The following ULK4 variants were observed in gnomAD, a reference collection of about 807,000 sequenced individuals.
The protein encoded by ULK4 is unc-51 like kinase 4, also known as inactive serine/threonine-protein kinase ULK4.
Under a neutral mutation model 160.6 loss-of-function variants are expected in ULK4, and 133 were observed. The observed-to-expected ratio is 0.83, with a 90% CI of 0.72 to 0.96. The LOEUF is 0.96. ULK4 is among the 40% of genes least tolerant of loss of function. ULK4 has a pLI of 0.00. For missense variants in ULK4, 1,580 were observed against 1,499.5 expected (o/e 1.05, Z -0.89); for synonymous variants, 534 against 539.8 (o/e 0.99, Z 0.15).
At chr3:41,642,640 C>A (rs2034271533) in intron 30 of ULK4, among the ~76,000 whole-genome samples, 1 of 152,180 alleles carries the variant, frequency 6.6e-6, no homozygotes. Flanking sequence ...AACAGTGCCG[C>A]AATAAACATA....
chr3:41,851,326 T>G, intron 17 of ULK4, among the ~76,000 whole-genome samples: 1 of 152,178 alleles, frequency 6.6e-6, no homozygotes. Flanking sequence ...CTGCATCTAT[T>G]GAGATAATCA....
At chr3:41,740,318 A>G (rs916289537) in intron 22 of ULK4, among the ~76,000 whole-genome samples, 2 of 151,794 alleles carry the variant, frequency 1.3e-5, no homozygotes, top group Non-Finnish European at 2.9e-5. Flanking sequence ...TAACAATACT[A>G]TGGGGAAGGA....
rs1365478868 is a variant in ULK4, at chr3:41,754,386, T to G, written c.2296A>C (p.Met766Leu). 2 of 1,612,296 alleles carry G rather than the reference T, an allele frequency of 1.2e-6. No homozygotes were observed. Among genetic ancestry groups the G allele is most frequent in the Non-Finnish European group, 1.7e-6 (2 of 1,179,440 alleles). Residue 766 changes from methionine (M) to leucine (L), a missense_variant, in exon 22 of 37, where the codon ATG becomes CTG. By Grantham distance (15) the Met-to-Leu change is conservative. Coordinates refer to ENST00000301831, the MANE Select transcript of ULK4 (RefSeq NM_017886.4). ...CTTGCTTGGCAACTGAGCAGCAACA[T>G]CTCACGGTTATAAATCAAAATATAT... ...LLYILIYNRE[M>L]LLLSCQARLV... is the part of the protein sequence containing the mutation.
intron 34 of ULK4, among the ~76,000 whole-genome samples, chr3:41,436,722 T>C (rs1177442192): frequency 6.6e-6 from 1 of 152,182 alleles, no homozygotes; most frequent in African/African-American, 2.4e-5. Flanking sequence ...CCACGTCCTT[T>C]CATAGTAATT....
intron 22 of ULK4, among the ~76,000 whole-genome samples, chr3:41,730,914 A>C (rs183081418): frequency 6.4e-4 from 97 of 152,324 alleles, no homozygotes; most frequent in Admixed American, 6.3e-3. Context: ...TCACATTAAG[A>C]AAATCAAGAA....
intron 2 of ULK4, among the ~76,000 whole-genome samples, chr3:41,953,832 G>C (rs955214873): frequency 6.6e-6 from 1 of 152,082 alleles, no homozygotes; most frequent in African/African-American, 2.4e-5. Context: ...CAGACTGCTT[G>C]AGCTCAGGAG....
intron 19 of ULK4, among the ~76,000 whole-genome samples, chr3:41,813,659 T>G (rs2040878885): frequency 6.6e-6 from 1 of 152,218 alleles, no homozygotes; most frequent in Non-Finnish European, 1.5e-5. Flanking sequence ...AGAGCTAAAA[T>G]GTACAGTTAT....
intron 32 of ULK4, among the ~76,000 whole-genome samples, chr3:41,516,397 A>G (rs1332756541): frequency 6.6e-6 from 1 of 152,196 alleles, no homozygotes. Flanking sequence ...AACCTGAAGA[A>G]AATAAAAACA....
intron 30 of ULK4, among the ~76,000 whole-genome samples, chr3:41,625,603 A>C (rs1273925265): frequency 6.6e-6 from 1 of 152,214 alleles, no homozygotes; most frequent in African/African-American, 2.4e-5. Context: ...TTTCTAGAGA[A>C]TTATCAGACA....
intron 30 of ULK4, among the ~76,000 whole-genome samples, chr3:41,633,208 G>A (rs1290592830): frequency 6.6e-6 from 1 of 152,200 alleles, no homozygotes; most frequent in African/African-American, 2.4e-5. Flanking sequence ...GCAAACTACA[G>A]CCCACAGGCC....
chr3:41,632,381 C>T (rs1158414525), intron 30 of ULK4, among the ~76,000 whole-genome samples: 1 of 151,982 alleles, frequency 6.6e-6, no homozygotes. Context: ...TTTTTTGGTC[C>T]GGATAACTTA....
At position 41,706,842 on chromosome 3, in the gene ULK4, A is replaced by AT. The variant is rs1356215507; in HGVS notation, c.2635-1538_2635-1537insA. Among the ~76,000 whole-genome samples, 1,192 of 133,848 alleles carry AT rather than the reference A, an allele frequency of 8.9e-3. 27 individuals are homozygous for AT. Among genetic ancestry groups the AT allele is most frequent in the East Asian group, 0.05 (230 of 4,584 alleles). 87.8% of individuals were successfully genotyped at this position (133,848 alleles called of 152,430 possible). A position where few individuals can be genotyped will look rare whatever the true frequency, so the allele number is the denominator to read the frequency against. On this transcript the variant is annotated intron_variant, in intron 25 of 36. Coordinates refer to ENST00000301831, the MANE Select transcript of ULK4 (RefSeq NM_017886.4). ...GACTCTGTCTCAAAAAAAAAAAAAA[A>AT]AAAAATATGTGTGTGTGTGTGTGTG...
At chr3:41,331,228 A>G (rs1366397337) in intron 35 of ULK4, among the ~76,000 whole-genome samples, 1 of 152,130 alleles carries the variant, frequency 6.6e-6, no homozygotes, top group African/African-American at 2.4e-5. Flanking sequence ...GGGGGCAGGG[A>G]GCACTTCTGG....
chr3:41,681,694 G>A, intron 28 of ULK4, 42 bp from the exon 29 acceptor site: 1 of 1,613,836 alleles, frequency 6.2e-7, no homozygotes, highest in South Asian at 1.1e-5. Flanking sequence ...ACTCCATGGA[G>A]ACAGAATGAA....
intron 5 of ULK4, among the ~76,000 whole-genome samples, chr3:41,921,010 A>G (rs1324205235): frequency 2.6e-5 from 4 of 152,198 alleles, no homozygotes; most frequent in African/African-American, 7.2e-5. Flanking sequence ...GAACTTGCCT[A>G]AACTAGTCAA....
intron 35 of ULK4, among the ~76,000 whole-genome samples, chr3:41,364,146 C>T (rs2081204779): frequency 6.6e-6 from 1 of 152,158 alleles, no homozygotes; most frequent in Admixed American, 6.6e-5. Context: ...AAATGTTGCC[C>T]AGGCTAGTCT....
At chr3:41,492,215 A>G (rs2084800361) in intron 32 of ULK4, among the ~76,000 whole-genome samples, 2 of 152,052 alleles carry the variant, frequency 1.3e-5, no homozygotes, top group African/African-American at 2.4e-5. Flanking sequence ...TCTTTATAGC[A>G]GCATGATTTA....
chr3:41,826,175 G>C (rs982150262), intron 18 of ULK4, among the ~76,000 whole-genome samples: 6 of 152,148 alleles, frequency 3.9e-5, no homozygotes, highest in African/African-American at 9.7e-5. Flanking sequence ...AACATGGAAA[G>C]ACCAACCAGT....
At chr3:41,738,901 GCCTTATGA>G (rs1163826950) in intron 22 of ULK4, among the ~76,000 whole-genome samples, 1 of 151,862 alleles carries the variant, frequency 6.6e-6, no homozygotes, top group Non-Finnish European at 1.5e-5. Context: ...GGCCACTCAG[GCCTTATGA>G]CCTAGCATAT....
Sources: gnomAD v4.1 joint callset for allele counts (sites outside exome capture counted in the v4.1 genomes callset) on GRCh38, gnomAD v4.1.1 for gene constraint, MANE v1.5 for transcripts, NCBI Gene and HGNC (gene_info 2026-07-23, HGNC 2026-07-21) for gene names.